Variants in TDRD15 observed in about 807,000 individuals in gnomAD.
TDRD15 encodes tudor domain containing 15.
For synonymous variants in TDRD15, 503 were observed against 314.5 expected (o/e 1.60, Z -6.34); for missense variants, 1,416 against 904.7 (o/e 1.57, Z -7.25).
chr2:21,137,379 T>G (rs990919282), intron 3 of TDRD15, 86 bp from the exon 4 acceptor site: 5 of 518,498 alleles, frequency 9.6e-6, no homozygotes, highest in Non-Finnish European at 1.7e-5. Flanking sequence ...CATATAATTA[T>G]TTTTAGTTTT....
intron 1 of TDRD15, among the ~76,000 whole-genome samples, chr2:21,126,000 A>C (rs1460420498): frequency 6.6e-6 from 1 of 151,036 alleles, no homozygotes; most frequent in Non-Finnish European, 1.5e-5. Context: ...CAGGTTGTGC[A>C]TGTGTGTGTG....
intron 2 of TDRD15, among the ~76,000 whole-genome samples, chr2:21,130,339 C>G (rs1482666640): frequency 1.3e-5 from 2 of 152,184 alleles, no homozygotes; most frequent in African/African-American, 4.8e-5. Context: ...GCTGAAGATG[C>G]ATTTAATGCT....
Position 21,140,093 on chromosome 2 carries a change from T to A in TDRD15, c.2626T>A (p.Leu876Ile). 3 of 716,204 alleles carry A rather than the reference T, an allele frequency of 4.2e-6. No individual in the cohort carries two copies. In the South Asian group the frequency reaches 4.4e-5, roughly 11 times the overall value. The allele number at this position is 716,204 out of a possible 1,614,324, so 44.4% of individuals were successfully genotyped here. ...NHFIEPVSCK[L>I]FSWTRKAFRD... ...TTTTATTGAGCCTGTTAGTTGTAAA[T>A]TATTCAGTTGGACAAGAAAAGCATT... The change falls in exon 4 of 4, where the codon TTA becomes ATA. Residue 876 changes from leucine to isoleucine, a missense_variant. Physicochemically the swap from Leu to Ile is conservative, Grantham distance 5. Coordinates refer to ENST00000405799, the MANE Select transcript of TDRD15 (RefSeq NM_001306137.2).
In TDRD15 at chr2:21,137,984, A is replaced by G; in HGVS notation, c.517A>G (p.Ile173Val). 5 of 716,938 alleles carry G rather than the reference A, an allele frequency of 7.0e-6. No individual in the cohort carries two copies. The highest frequency in any genetic ancestry group is 1.3e-5 in the Non-Finnish European group (5 of 384,558). The allele number at this position is 716,938 out of a possible 1,614,324, so 44.4% of individuals were successfully genotyped here. Residue 173 changes from isoleucine to valine, a missense_variant, in exon 4 of 4, where the codon ATA (isoleucine) becomes GTA (valine). By Grantham distance (29) the Ile-to-Val change is conservative (BLOSUM62 3). Transcript: ENST00000405799. ...QMFLFEVPKI[I>V]SQALELQLGR... ...GTTTCTTTTTGAAGTGCCAAAAATT[A>G]TATCTCAGGCTCTCGAGTTACAATT...
At chr2:21,124,519 G>GGT (rs975020963) in intron 1 of TDRD15, among the ~76,000 whole-genome samples, 3 of 114,302 alleles carry the variant, frequency 2.6e-5, no homozygotes, top group South Asian at 6.4e-4. Flanking sequence ...CTAATGCCAG[G>GGT]GTGTGTGTGT....
In TDRD15 at chr2:21,140,773, C is replaced by T. The variant is rs890769282; in HGVS notation, c.3306C>T (p.Phe1102=). ...TCAGTAGTTGGTTTAAAGACAATTT[C>T]TTGGGAAGATCATTAAAGGCGATAA... ...AEISSWFKDN[F]LGRSLKAIIL... Residue 1102 remains phenylalanine, a synonymous_variant, in exon 4 of 4, where the codon TTC becomes TTT. Transcript: ENST00000405799. The T allele has an allele frequency of 1.4e-6, 1 of 714,802 alleles. No homozygotes were observed. Among genetic ancestry groups the T allele is most frequent in the Non-Finnish European group, 2.6e-6 (1 of 383,488 alleles). The allele number at this position is 714,802 out of a possible 1,614,324, so 44.3% of individuals were successfully genotyped here. A position where few individuals can be genotyped will look rare whatever the true frequency, so the allele number is the denominator to read the frequency against.
chr2:21,131,033 A>G (rs1665709682), intron 2 of TDRD15, among the ~76,000 whole-genome samples: 1 of 152,208 alleles, frequency 6.6e-6, no homozygotes, highest in African/African-American at 2.4e-5. Flanking sequence ...AAACCAGTGT[A>G]GCAAACTGAG....
chr2:21,143,351 G>T lies in TDRD15; in HGVS notation c.*79G>T. ...AAAATATAAATTTTACATACACTGA[G>T]AAACAAAAGTGTAAACAAATCTACA... On this transcript the variant is annotated 3_prime_UTR_variant, in exon 4 of 4. Transcript: ENST00000405799. The T allele has an allele frequency of 1.0e-5, 5 of 486,074 alleles. No individual in the cohort carries two copies. 30.1% of individuals were successfully genotyped at this position (486,074 alleles called of 1,614,324 possible). A position where few individuals can be genotyped will look rare whatever the true frequency, so the allele number is the denominator to read the frequency against.
In TDRD15 at chr2:21,138,965, C is replaced by A. The variant is rs756026218; in HGVS notation, c.1498C>A (p.Arg500Ser). Reference protein sequence around the residue: ...YVLNPSNFWVRTNDHRNEFQE... With the variant: ...YVLNPSNFWVSTNDHRNEFQE... ...ATTAAACCCATCAAATTTCTGGGTACGCACTAATGACCATCGGAATGAATT... is the reference window on the plus strand; with the variant it reads ...ATTAAACCCATCAAATTTCTGGGTAAGCACTAATGACCATCGGAATGAATT... Residue 500 changes from arginine to serine, a missense_variant, in exon 4 of 4, where the codon CGC becomes AGC. Arg to Ser is a moderately radical substitution (Grantham distance 110). Transcript: ENST00000405799. 2.8e-6 allele frequency: 2 copies of A among 713,098 alleles called. No individual in the cohort carries two copies. The highest frequency in any genetic ancestry group is 3.0e-5 in the South Asian group (2 of 66,902). The allele number at this position is 713,098 out of a possible 1,614,324, so 44.2% of individuals were successfully genotyped here.
downstream of TDRD15, among the ~76,000 whole-genome samples, chr2:21,147,007 A>G (rs1056452635): frequency 2.0e-5 from 3 of 152,154 alleles, no homozygotes; most frequent in East Asian, 1.9e-4. Flanking sequence ...AATGGAGATC[A>G]TAATAGTAAC....
intron 3 of TDRD15, among the ~76,000 whole-genome samples, chr2:21,136,742 G>C (rs1398335260): frequency 6.6e-6 from 1 of 151,970 alleles, no homozygotes; most frequent in East Asian, 1.9e-4. Flanking sequence ...GATTAGCTAT[G>C]GTAGAAAATT....
At position 21,139,775 on chromosome 2, in the gene TDRD15, G is replaced by T; in HGVS notation, c.2308G>T (p.Asp770Tyr). ...VKCSCYYGPG[D>Y]FSCQLQCKSE... is the part of the protein sequence containing the mutation. ...ATGTTCCTGTTATTATGGCCCAGGTGACTTTTCATGCCAGCTCCAATGTAA... is the reference window on the plus strand; with the variant it reads ...ATGTTCCTGTTATTATGGCCCAGGTTACTTTTCATGCCAGCTCCAATGTAA... The change falls in exon 4 of 4, where the codon GAC becomes TAC. Residue 770 changes from aspartate to tyrosine, a missense_variant. By Grantham distance (160) the Asp-to-Tyr change is radical. Transcript: ENST00000405799. 1.4e-6 allele frequency: 1 copy of T among 715,350 alleles called. No individual in the cohort carries two copies. The highest frequency in any genetic ancestry group is 1.5e-5 in the South Asian group (1 of 67,538). 44.3% of individuals were successfully genotyped at this position (715,350 alleles called of 1,614,324 possible). A position where few individuals can be genotyped will look rare whatever the true frequency, so the allele number is the denominator to read the frequency against.
downstream of TDRD15, among the ~76,000 whole-genome samples, chr2:21,146,499 T>C (rs1283130729): frequency 6.6e-6 from 1 of 152,052 alleles, no homozygotes; most frequent in Non-Finnish European, 1.5e-5. Context: ...TTGTTTTTGT[T>C]TTTTAAAATC....
Position 21,138,737 on chromosome 2 carries a change from C to T in TDRD15, c.1270C>T (p.Pro424Ser). 1 of 715,886 alleles carries T rather than the reference C, an allele frequency of 1.4e-6. No individual in the cohort carries two copies. The highest frequency in any genetic ancestry group is 2.6e-6 in the Non-Finnish European group (1 of 384,212). 44.3% of individuals were successfully genotyped at this position (715,886 alleles called of 1,614,324 possible). A position where few individuals can be genotyped will look rare whatever the true frequency, so the allele number is the denominator to read the frequency against. ...LKTVGTQVLCPMSDSKISNIL... is the reference protein window; with the variant it reads ...LKTVGTQVLCSMSDSKISNIL... ...GACTGTAGGCACACAAGTACTTTGT[C>T]CGATGTCTGATTCAAAAATCTCCAA... is the stretch of plus-strand genomic sequence containing the variant. Residue 424 changes from proline to serine, a missense_variant, in exon 4 of 4, where the codon CCG (proline) becomes TCG (serine). Pro to Ser is a moderately conservative substitution (Grantham distance 74). Transcript: ENST00000405799.
At chr2:21,128,344 A>G (rs1665639635) in intron 2 of TDRD15, among the ~76,000 whole-genome samples, 2 of 140,968 alleles carry the variant, frequency 1.4e-5, no homozygotes, top group South Asian at 2.2e-4. Flanking sequence ...TTTTTTTGAG[A>G]TGGAGTCTCA....
chr2:21,146,007 G>A (rs577672316), downstream of TDRD15, among the ~76,000 whole-genome samples: 9 of 151,958 alleles, frequency 5.9e-5, no homozygotes, highest in Non-Finnish European at 1.2e-4. Context: ...GTTTTAATTG[G>A]TCAAGAACTG....
Position 21,141,188 on chromosome 2 carries a change from G to A in TDRD15, c.3721G>A (p.Gly1241Arg), listed in dbSNP as rs1316986616. 1 of 714,662 alleles carries A rather than the reference G, an allele frequency of 1.4e-6. No homozygotes were observed. Among genetic ancestry groups the A allele is most frequent in the Non-Finnish European group, 2.6e-6 (1 of 383,712 alleles). The allele number at this position is 714,662 out of a possible 1,614,324, so 44.3% of individuals were successfully genotyped here. The change falls in exon 4 of 4, where the codon GGA becomes AGA. Residue 1241 changes from glycine (G) to arginine (R), a missense_variant. Gly to Arg is a moderately radical substitution (Grantham distance 125). Transcript: ENST00000405799. ...GCTTAAAGGTATAAAAATTGTCCCT[G>A]GAGCTGCACATATTCTTGAGAACAG... ...DGLKGIKIVP[G>R]AAHILENRRV...
At position 21,140,376 on chromosome 2, in the gene TDRD15, A is replaced by G. The variant is rs1665898238; in HGVS notation, c.2909A>G (p.Tyr970Cys). 1 of 704,408 alleles carries G rather than the reference A, an allele frequency of 1.4e-6. No individual in the cohort carries two copies. Among genetic ancestry groups the G allele is most frequent in the Non-Finnish European group, 2.6e-6 (1 of 380,598 alleles). The allele number at this position is 704,408 out of a possible 1,614,324, so 43.6% of individuals were successfully genotyped here. A position where few individuals can be genotyped will look rare whatever the true frequency, so the allele number is the denominator to read the frequency against. ...NIQIGSEEEV[Y>C]ISHIYSPQKF... ...CAAATTGGAAGTGAAGAAGAAGTAT[A>G]TATATCTCACATATATAGTCCCCAA... is the stretch of plus-strand genomic sequence containing the variant. Residue 970 changes from tyrosine to cysteine, a missense_variant, in exon 4 of 4, where the codon TAT becomes TGT. Tyr to Cys is a radical substitution (Grantham distance 194). Transcript: ENST00000405799.
At chr2:21,147,023 C>T (rs1666040499), downstream of TDRD15, among the ~76,000 whole-genome samples, 1 of 152,082 alleles carries the variant, frequency 6.6e-6, no homozygotes, top group South Asian at 2.1e-4. Context: ...GTAACTACCC[C>T]TTTGGGTGGT....
Sources: allele counts gnomAD v4.1 joint callset (sites outside exome capture counted in the v4.1 genomes callset), GRCh38; gene constraint gnomAD v4.1.1; transcripts MANE v1.5; gene names NCBI Gene and HGNC (gene_info 2026-07-23, HGNC 2026-07-21).